Variants in CEP57 observed in about 807,000 individuals in gnomAD.
The protein encoded by CEP57 is centrosomal protein 57.
In CEP57, 40 loss-of-function variants were observed where a neutral mutation model predicts 68.0. The observed-to-expected ratio is 0.59, with a 90% confidence interval of 0.46 to 0.77. The LOEUF (loss-of-function observed/expected upper bound fraction) is 0.77, where lower values mean the gene tolerates loss of function less well. Ranked by LOEUF, CEP57 falls within the 30% of genes least tolerant of loss-of-function variation. CEP57 has a pLI of 0.00. For missense variants in CEP57, 606 were observed against 580.7 expected (o/e 1.04, Z -0.45); for synonymous variants, 219 against 198.7 (o/e 1.10, Z -0.86).
rs778589075 is a variant in CEP57 at position 95,818,788 on chromosome 11, AT to A, written c.622-34del. On this transcript the variant is annotated intron_variant, in intron 5 of 10. Coordinates refer to ENST00000325542, the MANE Select transcript of CEP57 (RefSeq NM_014679.5). ...TATTAAAATTTTACAGACACTTAAG[AT>A]TTTTCACCTTTATCCCTTTTGACAT... The A allele has an allele frequency of 1.6e-5, 25 of 1,527,612 alleles. No individual in the cohort carries two copies. In the African/African-American group the frequency reaches 3.4e-4, roughly 21 times the overall value. The allele number at this position is 1,527,612 out of a possible 1,614,324, so 94.6% of individuals were successfully genotyped here.
At chr11:95,827,656 G>C (rs1189641638) in intron 8 of CEP57, 130 bp from the exon 9 acceptor site, 1 of 1,006,436 alleles carries the variant, frequency 9.9e-7, no homozygotes, top group Non-Finnish European at 1.5e-6. Context: ...ACATCATGAT[G>C]AGAATAATTT....
intron 2 of CEP57, among the ~76,000 whole-genome samples, chr11:95,805,218 ACT>A (rs1181485983): frequency 3.9e-5 from 6 of 152,148 alleles, no homozygotes; most frequent in African/African-American, 1.4e-4. Flanking sequence ...GGTTAAGAAA[ACT>A]CAATGGATAT....
At chr11:95,799,191 G>C (rs376665467) in intron 1 of CEP57, 41 bp from the exon 2 acceptor site, 28 of 1,608,622 alleles carry the variant, frequency 1.7e-5, no homozygotes, top group Non-Finnish European at 2.3e-5. Flanking sequence ...GCTATTTGTG[G>C]TTCACACTTT....
chr11:95,801,999 A>G (rs1160955377), intron 2 of CEP57, among the ~76,000 whole-genome samples: 2 of 152,184 alleles, frequency 1.3e-5, no homozygotes, highest in African/African-American at 4.8e-5. Context: ...TGGGAAGGAA[A>G]GACACAGAAA....
intron 1 of CEP57, among the ~76,000 whole-genome samples, chr11:95,796,635 C>T (rs886304048): frequency 6.6e-6 from 1 of 152,120 alleles, no homozygotes; most frequent in Non-Finnish European, 1.5e-5. Flanking sequence ...CTTAATTTCT[C>T]CAGCAAAAAT....
chr11:95,790,704 G>A lies in CEP57; in HGVS notation c.6G>A (p.Ala2=), dbSNP rs1279959639. Residue 2 remains alanine (A), a synonymous_variant, in exon 1 of 11, where the codon GCG becomes GCA. Coordinates refer to ENST00000325542, the MANE Select transcript of CEP57 (RefSeq NM_014679.5). The part of the protein sequence containing the change: M[A]AASVSAASGS... The stretch of plus-strand genomic sequence containing the variant: ...CCCCCTGGGCAGGCTGAAAGATGGC[G>A]GCGGCGTCTGTCTCTGCGGCTTCTG... 4 of 1,614,022 alleles carry A rather than the reference G, an allele frequency of 2.5e-6. No individual in the cohort carries two copies. Among genetic ancestry groups the A allele is most frequent in the South Asian group, 1.1e-5 (1 of 91,032 alleles).
At chr11:95,823,535 C>A in intron 8 of CEP57, among the ~76,000 whole-genome samples, 1 of 151,594 alleles carries the variant, frequency 6.6e-6, no homozygotes, top group African/African-American at 2.4e-5. Flanking sequence ...TCATTTACTA[C>A]CATAAAATAT....
rs368437597 is a variant in CEP57 at position 95,799,331 on chromosome 11, G to T, written c.145G>T (p.Asp49Tyr). 6.2e-7 allele frequency: 1 copy of T among 1,614,006 alleles called. No homozygotes were observed. The highest frequency in any genetic ancestry group is 1.1e-5 in the South Asian group (1 of 91,070). ...TTCGGATAAGCCTTTCCTTAATAGT[G>T]ATCTACGACGCTCCCCAAGTAAGCC... ...YPSDKPFLNS[D>Y]LRRSPSKPTL... The change falls in exon 2 of 11, where the codon GAT becomes TAT. Residue 49 changes from aspartate (D) to tyrosine (Y), a missense_variant. By Grantham distance (160) the Asp-to-Tyr change is radical. Coordinates refer to ENST00000325542, the MANE Select transcript of CEP57 (RefSeq NM_014679.5).
At chr11:95,799,965 T>G (rs965610026) in intron 2 of CEP57, among the ~76,000 whole-genome samples, 1 of 152,228 alleles carries the variant, frequency 6.6e-6, no homozygotes, top group African/African-American at 2.4e-5. Flanking sequence ...GTTTTTTCCT[T>G]TCCCATCCTT....
In CEP57 at chr11:95,827,908, A is replaced by G. The variant is rs933546735; in HGVS notation, c.1008A>G (p.Val336=). ...VINSIPLAKQ[V]SSRGGKSKKL... The stretch of plus-strand genomic sequence containing the variant: ...ACAGTATTCCTTTGGCAAAGCAAGT[A>G]TCTTCACGAGGTGGTAAAAGTAAGA... Residue 336 remains valine (V), a synonymous_variant, in exon 9 of 11, where the codon GTA becomes GTG. Transcript: ENST00000325542. 3.4e-5 allele frequency: 55 copies of G among 1,614,050 alleles called. No individual in the cohort carries two copies. The highest frequency in any genetic ancestry group is 1.6e-4 in the Middle Eastern group (1 of 6,084).
chr11:95,791,306 C>G (rs770819624), intron 1 of CEP57, among the ~76,000 whole-genome samples: 1 of 152,136 alleles, frequency 6.6e-6, no homozygotes, highest in Non-Finnish European at 1.5e-5. Flanking sequence ...ACTGGAACTT[C>G]AATGTGGAAA....
intron 2 of CEP57, among the ~76,000 whole-genome samples, chr11:95,812,339 A>T (rs1862101663): frequency 6.6e-6 from 1 of 152,086 alleles, no homozygotes; most frequent in Non-Finnish European, 1.5e-5. Flanking sequence ...ATTTTTTACC[A>T]CTTTATAAAA....
Position 95,799,237 on chromosome 11 carries a change from C to T in CEP57, c.51C>T (p.Ser17=), listed in dbSNP as rs781312646. 26 of 1,613,884 alleles carry T rather than the reference C, an allele frequency of 1.6e-5. No individual in the cohort carries two copies. The highest frequency in any genetic ancestry group is 3.3e-4 in the Middle Eastern group (2 of 6,076). The change falls in exon 2 of 11, where the codon AGC becomes AGT. Residue 17 remains serine, a synonymous_variant. Coordinates refer to ENST00000325542, the MANE Select transcript of CEP57 (RefSeq NM_014679.5). ...SAASGSHLSN[S]FAEPSRSNGS... is the part of the protein sequence containing the mutation. The stretch of plus-strand genomic sequence containing the variant: ...TTTGTGTCTTTATTTTTTAGAACAG[C>T]TTTGCTGAGCCATCAAGGTCTAATG...
chr11:95,816,699 GAC>G (rs1862310737), intron 4 of CEP57, among the ~76,000 whole-genome samples: 1 of 152,124 alleles, frequency 6.6e-6, no homozygotes, highest in Non-Finnish European at 1.5e-5. Context: ...TTATTTTGAA[GAC>G]ACAGTTTACA....
chr11:95,811,591 A>C (rs975132811), intron 2 of CEP57, among the ~76,000 whole-genome samples: 2 of 152,078 alleles, frequency 1.3e-5, no homozygotes, highest in Non-Finnish European at 1.5e-5. Context: ...AAAAAAAAAA[A>C]AAACGTGATG....
At chr11:95,795,537 G>A in intron 1 of CEP57, 1 of 532,404 alleles carries the variant, frequency 1.9e-6, no homozygotes, top group Non-Finnish European at 3.3e-6. Flanking sequence ...GGGAAATGAA[G>A]TACAATGTTG....
intron 2 of CEP57, among the ~76,000 whole-genome samples, chr11:95,806,085 C>G (rs1392550581): frequency 6.6e-6 from 1 of 152,096 alleles, no homozygotes; most frequent in Non-Finnish European, 1.5e-5. Flanking sequence ...ACTTCTGACC[C>G]AATTATAAAA....
rs772042157 is a variant in CEP57, at chr11:95,790,749, A to G, written c.45+6A>G. 1.2e-6 allele frequency: 2 copies of G among 1,614,012 alleles called. No individual in the cohort carries two copies. The highest frequency in any genetic ancestry group is 1.7e-6 in the Non-Finnish European group (2 of 1,179,968). On this transcript the variant is annotated splice_donor_region_variant and intron_variant, in intron 1 of 10. Transcript: ENST00000325542. ...CTTCTGGTTCTCACTTGTCGGTAAG[A>G]AGCAGTTGGCGCGAGTGGGCCCCAC... is the stretch of plus-strand genomic sequence containing the variant.
chr11:95,800,219 A>G (rs1022149595), intron 2 of CEP57, among the ~76,000 whole-genome samples: 1 of 152,162 alleles, frequency 6.6e-6, no homozygotes, highest in Admixed American at 6.5e-5. Context: ...TTCCAAGCTC[A>G]TTAAGATTCT....
Sources: allele counts gnomAD v4.1 joint callset (sites outside exome capture counted in the v4.1 genomes callset), GRCh38; gene constraint gnomAD v4.1.1; transcripts MANE v1.5; gene names NCBI Gene and HGNC (gene_info 2026-07-23, HGNC 2026-07-21).